CREBRF: variants seen among roughly 807,000 people sequenced by gnomAD.
CREBRF encodes CREB3 regulatory factor.
In CREBRF, 5 loss-of-function variants were observed where a neutral mutation model predicts 66.1. The observed-to-expected ratio is 0.08, with a 90% CI of 0.04 to 0.16. The LOEUF (loss-of-function observed/expected upper bound fraction) is 0.16. Among genes scored for constraint, CREBRF ranks in the 10% least tolerant of loss-of-function variants. The pLI, the probability that CREBRF is intolerant of heterozygous loss-of-function variation, is 1.00. For missense variants in CREBRF, 531 were observed against 744.9 expected (o/e 0.71, Z 3.34); for synonymous variants, 229 against 264.4 (o/e 0.87, Z 1.30).
chr5:173,132,418 C>T (rs1217079484), intron 8 of CREBRF, among the ~76,000 whole-genome samples: 1 of 1,754 alleles, frequency 5.7e-4, no homozygotes, highest in Non-Finnish European at 1.0e-3. Flanking sequence ...CTCCCCTCCC[C>T]TCCCCTCCCC....
chr5:173,120,456 T>G (rs1278908447), intron 7 of CREBRF, among the ~76,000 whole-genome samples: 3 of 151,752 alleles, frequency 2.0e-5, no homozygotes, highest in African/African-American at 7.3e-5. Flanking sequence ...CTCAGCTCAC[T>G]GCAACCTCTG....
intron 7 of CREBRF, among the ~76,000 whole-genome samples, chr5:173,120,939 C>T (rs564207333): frequency 4.6e-5 from 7 of 152,038 alleles, no homozygotes; most frequent in South Asian, 4.2e-4. Flanking sequence ...GTGATTCACC[C>T]GCCTCAGCCT....
Position 173,097,231 on chromosome 5 carries a change from C to T in CREBRF, c.1222+5830C>T, listed in dbSNP as rs866650518. 2.0e-5 allele frequency among the ~76,000 whole-genome samples: 3 copies of T among 151,298 alleles called. No individual in the cohort carries two copies. The South Asian group carries it at 6.3e-4, about 32-fold the overall frequency. ...AATTTACTAGTGAAGTCAGCAGGCC[C>T]TTGGCTTTAGTTCATTGAGAGTTTT... On this transcript the variant is annotated intron_variant, in intron 4 of 8. Transcript: ENST00000296953.
In CREBRF at chr5:173,138,550, TAGTGAAGAACATCAA is replaced by T. The variant is rs1208749668; in HGVS notation, c.*4809_*4823del. 3 of 152,190 alleles carry T rather than the reference TAGTGAAGAACATCAA, an allele frequency of 2.0e-5. No homozygotes were observed. Among genetic ancestry groups the T allele is most frequent in the Non-Finnish European group, 4.4e-5 (3 of 68,024 alleles). The allele number at this position is 152,190 out of a possible 1,614,324, so 9.4% of individuals were successfully genotyped here. On this transcript the variant is annotated 3_prime_UTR_variant, in exon 9 of 9. Coordinates refer to ENST00000296953, the MANE Select transcript of CREBRF (RefSeq NM_153607.3). Reference sequence around the variant, plus strand: ...ATTTTGGAATTGAAGACTTGGTAACTAGTGAAGAACATCAAAGTTGGGTATTTCAATGTGCCAAGT... The same window carrying T: ...ATTTTGGAATTGAAGACTTGGTAACTAGTTGGGTATTTCAATGTGCCAAGT...
At chr5:173,114,559 A>G (rs976670210) in intron 7 of CREBRF, among the ~76,000 whole-genome samples, 1 of 152,254 alleles carries the variant, frequency 6.6e-6, no homozygotes, top group African/African-American at 2.4e-5. Flanking sequence ...TGAGAAGGGC[A>G]TAATCTCATA....
chr5:173,087,893 G>A (rs1013758963), intron 3 of CREBRF, among the ~76,000 whole-genome samples: 1 of 150,030 alleles, frequency 6.7e-6, no homozygotes, highest in African/African-American at 2.5e-5. Flanking sequence ...GCACAGTCTC[G>A]GCTCACTGCA....
intron 2 of CREBRF, among the ~76,000 whole-genome samples, chr5:173,082,945 A>AAAAAAAAAAC (rs1561799554): frequency 1.6e-5 from 2 of 122,652 alleles, no homozygotes; most frequent in Admixed American, 9.1e-5. Context: ...AAAAAAAAAA[A>AAAAAAAAAAC]ACCGGGTGCA....
chr5:173,125,525 A>T (rs949616386), intron 8 of CREBRF, among the ~76,000 whole-genome samples: 4 of 152,166 alleles, frequency 2.6e-5, no homozygotes, highest in Non-Finnish European at 5.9e-5. Flanking sequence ...TTTGGTTCAG[A>T]ATAGCTTTTC....
In CREBRF at chr5:173,131,416, C is replaced by T. The variant is rs1214663242; in HGVS notation, c.1805-2214C>T. 3.9e-5 allele frequency among the ~76,000 whole-genome samples: 6 copies of T among 152,034 alleles called. No individual in the cohort carries two copies. In the East Asian group the frequency reaches 9.6e-4, roughly 24 times the overall value. ...CATTTTTTTGTGTGTGTGATCCAGT[C>T]GAGGATCATGCATTGCATTTAGTCA... On this transcript the variant is annotated intron_variant, in intron 8 of 8. Transcript: ENST00000296953.
chr5:173,068,785 T>C (rs1365195863), intron 1 of CREBRF, among the ~76,000 whole-genome samples: 2 of 151,676 alleles, frequency 1.3e-5, no homozygotes, highest in Non-Finnish European at 1.5e-5. Flanking sequence ...GGATTTTGAG[T>C]GGGCCAGGCG....
intron 6 of CREBRF, among the ~76,000 whole-genome samples, chr5:173,111,729 C>G (rs1758874280): frequency 6.6e-6 from 1 of 152,176 alleles, no homozygotes; most frequent in Non-Finnish European, 1.5e-5. Context: ...TGTTCACTTA[C>G]AAATGTTTGT....
intron 4 of CREBRF, among the ~76,000 whole-genome samples, chr5:173,101,147 A>G (rs991977725): frequency 6.6e-6 from 1 of 151,974 alleles, no homozygotes; most frequent in African/African-American, 2.4e-5. Context: ...CTGCACCCTC[A>G]ATCTCCTGGG....
intron 1 of CREBRF, among the ~76,000 whole-genome samples, chr5:173,069,619 G>T (rs1399031402): frequency 6.6e-6 from 1 of 152,026 alleles, no homozygotes; most frequent in African/African-American, 2.4e-5. Flanking sequence ...ACCATGCCTG[G>T]CCATGAAATT....
In CREBRF at chr5:173,135,163, A is replaced by G. The variant is rs910913882; in HGVS notation, c.*1418A>G. 5 of 152,430 alleles carry G rather than the reference A, an allele frequency of 3.3e-5. No individual in the cohort carries two copies. The highest frequency in any genetic ancestry group is 4.8e-5 in the African/African-American group (2 of 41,422). 9.4% of individuals were successfully genotyped at this position (152,430 alleles called of 1,614,324 possible). A position where few individuals can be genotyped will look rare whatever the true frequency, so the allele number is the denominator to read the frequency against. ...CGATTGATGTATTATTGTGCATGTA[A>G]TATTTTCAAAGATCAACACAGGCTA... On this transcript the variant is annotated 3_prime_UTR_variant, in exon 9 of 9. Transcript: ENST00000296953.
intron 3 of CREBRF, among the ~76,000 whole-genome samples, chr5:173,087,976 A>G (rs559883514): frequency 4.4e-4 from 67 of 151,628 alleles, no homozygotes; most frequent in African/African-American, 1.5e-3. Flanking sequence ...GGCATGCACC[A>G]CCACACCCGG....
intron 7 of CREBRF, among the ~76,000 whole-genome samples, chr5:173,119,768 A>C (rs568552445): frequency 6.6e-6 from 1 of 152,282 alleles, no homozygotes; most frequent in Admixed American, 6.5e-5. Flanking sequence ...GCCCTTTATC[A>C]TTTTGAGAAA....
intron 2 of CREBRF, among the ~76,000 whole-genome samples, chr5:173,085,046 G>A (rs916351451): frequency 3.3e-5 from 5 of 152,056 alleles, no homozygotes; most frequent in African/African-American, 1.2e-4. Context: ...GGGTTCAAGC[G>A]ATTCTCCTGC....
In CREBRF at chr5:173,108,678, G is replaced by A. The variant is rs1374899614; in HGVS notation, c.1277G>A (p.Arg426Gln). The A allele has an allele frequency of 9.3e-6, 15 of 1,613,658 alleles. No homozygotes were observed. Among genetic ancestry groups the A allele is most frequent in the East Asian group, 2.2e-5 (1 of 44,874 alleles). The change falls in exon 5 of 9, where the codon CGG becomes CAG. Residue 426 changes from arginine to glutamine, a missense_variant. Arg to Gln is a conservative substitution (Grantham distance 43). Transcript: ENST00000296953. ...DLKEVTSISS[R>Q]KRGKRRYFWE... Reference sequence around the variant, plus strand: ...AAGGAGGTGACTTCAATATCTTCACGGAAGAGAGGTAAAAGAAGATACTTC... The same window carrying A: ...AAGGAGGTGACTTCAATATCTTCACAGAAGAGAGGTAAAAGAAGATACTTC...
rs10071258 is a variant in CREBRF at position 173,100,088 on chromosome 5, G to A, written c.1223-8536G>A. Among the ~76,000 whole-genome samples, 234 of 26,432 alleles carry A rather than the reference G, an allele frequency of 8.9e-3. 11 individuals are homozygous for A. Among genetic ancestry groups the A allele is most frequent in the African/African-American group, 0.012 (75 of 6,112 alleles). 17.3% of individuals were successfully genotyped at this position (26,432 alleles called of 152,430 possible). A position where few individuals can be genotyped will look rare whatever the true frequency, so the allele number is the denominator to read the frequency against. On this transcript the variant is annotated intron_variant, in intron 4 of 8. Transcript: ENST00000296953. ...CACCTGGCTAATCTTTTGTGTGTGTGTGTGTGTGTGTGTGTGTGTGTGTGT... is the reference window on the plus strand; with the variant it reads ...CACCTGGCTAATCTTTTGTGTGTGTATGTGTGTGTGTGTGTGTGTGTGTGT...
Sources: allele counts gnomAD v4.1 joint callset (sites outside exome capture counted in the v4.1 genomes callset), GRCh38; gene constraint gnomAD v4.1.1; transcripts MANE v1.5; gene names NCBI Gene and HGNC (gene_info 2026-07-23, HGNC 2026-07-21).